Variants in TUBGCP6 observed in about 807,000 individuals in gnomAD.
The protein encoded by TUBGCP6 is tubulin gamma complex component 6.
TUBGCP6 carries 161 observed loss-of-function variants against 175.8 expected under a neutral mutation model. The observed-to-expected ratio is 0.92, with a 90% CI of 0.81 to 1.04. The LOEUF is 1.04. TUBGCP6 is among the 50% of genes least tolerant of loss of function. TUBGCP6 has a pLI of 0.00. For synonymous variants in TUBGCP6, 1,173 were observed against 1,030.5 expected, an observed-to-expected ratio of 1.14 and a Z score of -2.65; for missense variants, 2,572 against 2,433.0, an observed-to-expected ratio of 1.06 and a Z score of -1.20.
intron 3 of TUBGCP6, among the ~76,000 whole-genome samples, chr22:50,229,878 A>G (rs912409953): frequency 1.3e-5 from 2 of 152,240 alleles, no homozygotes; most frequent in Non-Finnish European, 2.9e-5. Context: ...GGCAGAAGCT[A>G]TAAAACATGA....
In TUBGCP6 at chr22:50,237,453, C is replaced by T. The variant is rs147380283; in HGVS notation, c.905+2751G>A. 7.4e-3 allele frequency among the ~76,000 whole-genome samples: 1,122 copies of T among 152,322 alleles called. 7 individuals carry two copies. Among genetic ancestry groups the T allele is most frequent in the Non-Finnish European group, 0.011 (770 of 68,028 alleles). ...CTGACCCGACTGCAGTGTCAGGGGC[C>T]GTGGGATCAGGGAGTAGAGGGGCCC... is the stretch of plus-strand genomic sequence containing the variant. On this transcript the variant is annotated intron_variant, in intron 2 of 24. Transcript: ENST00000248846.
Position 50,221,056 on chromosome 22 carries a change from C to T in TUBGCP6, c.3303G>A (p.Arg1101=), listed in dbSNP as rs1322017542. ...CATGTCCATGGATGTTCCACCGTGGCCGAGTGGGAGCCACATCTGACACAG... is the reference window on the plus strand; with the variant it reads ...CATGTCCATGGATGTTCCACCGTGGTCGAGTGGGAGCCACATCTGACACAG... ...GESVSDVAPT[R]PRWNIHGHVS... is the part of the protein sequence containing the mutation. The change falls in exon 16 of 25, where the codon CGG becomes CGA. Residue 1101 remains arginine, a synonymous_variant. Coordinates refer to ENST00000248846, the MANE Select transcript of TUBGCP6 (RefSeq NM_020461.4). 1 of 1,612,784 alleles carries T rather than the reference C, an allele frequency of 6.2e-7. No individual in the cohort carries two copies. The highest frequency in any genetic ancestry group is 8.5e-7 in the Non-Finnish European group (1 of 1,179,712).
chr22:50,221,559 G>T lies in TUBGCP6; in HGVS notation c.2800C>A (p.Pro934Thr), dbSNP rs143587106. The change falls in exon 16 of 25, where the codon CCT becomes ACT. Residue 934 changes from proline to threonine, a missense_variant. Pro to Thr is a conservative substitution (Grantham distance 38). Coordinates refer to ENST00000248846, the MANE Select transcript of TUBGCP6 (RefSeq NM_020461.4). ...CTGGCTGCTGCGGGTGCCTCCCCAG[G>T]AGCTGAGGGGGGCAGGTCCAAGTTA... ...TINLDLPPSA[P>T]GEAPAAASTQ... 1.9e-6 allele frequency: 3 copies of T among 1,588,076 alleles called. No homozygotes were observed. Among genetic ancestry groups the T allele is most frequent in the Non-Finnish European group, 2.6e-6 (3 of 1,165,054 alleles).
Position 50,218,060 on chromosome 22 carries a change from G to A in TUBGCP6, c.5226C>T (p.Ser1742=), listed in dbSNP as rs1478293812. ...GCTGGCTGCGGAACTTGAGCACGAG[G>A]CTGAAGATGCTGTGGATGACGTTCA... is the stretch of plus-strand genomic sequence containing the variant. ...PVMNVIHSIF[S]LVLKFRSQLI... is the part of the protein sequence containing the mutation. Residue 1742 remains serine, a synonymous_variant, in exon 24 of 25, where the codon AGC becomes AGT. Transcript: ENST00000248846. 2 of 1,613,336 alleles carry A rather than the reference G, an allele frequency of 1.2e-6. No homozygotes were observed. The highest frequency in any genetic ancestry group is 1.1e-5 in the South Asian group (1 of 91,088).
At chr22:50,235,102 C>G (rs544815564) in intron 2 of TUBGCP6, among the ~76,000 whole-genome samples, 1 of 151,652 alleles carries the variant, frequency 6.6e-6, no homozygotes, top group Admixed American at 6.6e-5. Flanking sequence ...CATCCACAAC[C>G]CTATCCACTG....
chr22:50,234,111 C>T (rs1440840972), intron 2 of TUBGCP6, among the ~76,000 whole-genome samples: 1 of 148,894 alleles, frequency 6.7e-6, no homozygotes, highest in Admixed American at 6.7e-5. Context: ...AGCATCCACA[C>T]CCCCTGTCCA....
chr22:50,226,136 A>C lies in TUBGCP6; in HGVS notation c.1747T>G (p.Cys583Gly). 6.2e-7 allele frequency: 1 copy of C among 1,614,156 alleles called. No homozygotes were observed. Among genetic ancestry groups the C allele is most frequent in the Non-Finnish European group, 8.5e-7 (1 of 1,180,028 alleles). Residue 583 changes from cysteine (C) to glycine (G), a missense_variant, in exon 9 of 25, where the codon TGT (cysteine) becomes GGT (glycine). Cys to Gly is a radical substitution (Grantham distance 159, BLOSUM62 -3). Coordinates refer to ENST00000248846, the MANE Select transcript of TUBGCP6 (RefSeq NM_020461.4). ...ATGTGCTTCAGAAACACGGGAACAC[A>C]GTCCTCCACCTCTTTGGAGATGAGC... ...YVLISKEVEDCVPVFLKHIAH... is the reference protein window; with the variant it reads ...YVLISKEVEDGVPVFLKHIAH...
At position 50,243,713 on chromosome 22, in the gene TUBGCP6, T is replaced by C. The variant is rs754932196; in HGVS notation, c.741+6A>G. ...GAGATGAAAGAGGAAAAACTAAACA[T>C]TCTACCTTAATAGCCAGCCCAGAGA... is the stretch of plus-strand genomic sequence containing the variant. On this transcript the variant is annotated splice_donor_region_variant and intron_variant, in intron 1 of 24. Coordinates refer to ENST00000248846, the MANE Select transcript of TUBGCP6 (RefSeq NM_020461.4). 2 of 1,597,742 alleles carry C rather than the reference T, an allele frequency of 1.3e-6. No individual in the cohort carries two copies. The highest frequency in any genetic ancestry group is 1.7e-5 in the Admixed American group (1 of 58,766).
chr22:50,237,703 C>T (rs536345534), intron 2 of TUBGCP6, among the ~76,000 whole-genome samples: 61 of 152,242 alleles, frequency 4.0e-4, no homozygotes, highest in African/African-American at 1.4e-3. Flanking sequence ...TAGGAACCAC[C>T]GCCGGGCCCC....
rs1481033454 is a variant in TUBGCP6, at chr22:50,241,353, C to T, written c.742-986G>A. Among the ~76,000 whole-genome samples, 5 of 152,260 alleles carry T rather than the reference C, an allele frequency of 3.3e-5. No individual in the cohort carries two copies. In the South Asian group the frequency reaches 6.2e-4, roughly 19 times the overall value. ...CATTACCTAGCGGACCTTGGTCTAG[C>T]GGTAGCGTCAGTGCCTAGGAAAAGC... On this transcript the variant is annotated intron_variant, in intron 1 of 24. Transcript: ENST00000248846.
Position 50,219,323 on chromosome 22 carries a change from G to A in TUBGCP6, c.4449C>T (p.Leu1483=), listed in dbSNP as rs1220984891. The A allele has an allele frequency of 2.5e-6, 4 of 1,602,210 alleles. 1 individual carries two copies. The South Asian group carries it at 4.5e-5, about 18-fold the overall frequency. The change falls in exon 19 of 25, where the codon CTC becomes CTT. Residue 1483 remains leucine, a synonymous_variant. Coordinates refer to ENST00000248846, the MANE Select transcript of TUBGCP6 (RefSeq NM_020461.4). ...GCGGTGCCGTGATGGAGCGCTTCAT[G>A]AGCACGGGCAGCGTCAGCAACTCGC... is the stretch of plus-strand genomic sequence containing the variant. The part of the protein sequence containing the change: ...QLSELLTLPV[L]MKRSITAPLA...
intron 2 of TUBGCP6, among the ~76,000 whole-genome samples, chr22:50,237,742 G>A (rs750810726): frequency 1.7e-4 from 26 of 152,222 alleles, no homozygotes; most frequent in Non-Finnish European, 3.2e-4. Flanking sequence ...AGTCTCCAGC[G>A]TATTCAGAAC....
chr22:50,221,267 C>G lies in TUBGCP6; in HGVS notation c.3092G>C (p.Gly1031Ala), dbSNP rs115728769. 1,215 of 1,614,068 alleles carry G rather than the reference C, an allele frequency of 7.5e-4. 10 individuals are homozygous for G. In the African/African-American group the frequency reaches 0.014, roughly 19 times the overall value. Residue 1031 changes from glycine (G) to alanine (A), a missense_variant, in exon 16 of 25, where the codon GGG becomes GCG. Physicochemically the swap from Gly to Ala is moderately conservative, Grantham distance 60. Coordinates refer to ENST00000248846, the MANE Select transcript of TUBGCP6 (RefSeq NM_020461.4). ...PTERLFGQVS[G>A]GGLPTGDYAS... ...GTAGTCCCCTGTGGGAAGACCACCC[C>G]CTGACACCTGCCCAAAGAGCCGCTC...
rs771804706 is a variant in TUBGCP6, at chr22:50,217,805, G to A, written c.5391C>T (p.Arg1797=). 8.7e-6 allele frequency: 14 copies of A among 1,613,910 alleles called. No homozygotes were observed. Among genetic ancestry groups the A allele is most frequent in the Admixed American group, 6.7e-5 (4 of 60,000 alleles). The change falls in exon 25 of 25, where the codon CGC becomes CGT. Residue 1797 remains arginine, a synonymous_variant. Transcript: ENST00000248846. ...LFKVVTKLVN[R]GYQPHLEDFL... is the part of the protein sequence containing the mutation. ...AGTCCTCCAGGTGGGGCTGGTAGCC[G>A]CGGTTCACCAGCTTGGTCACCACTG... is the stretch of plus-strand genomic sequence containing the variant.
At chr22:50,232,977 G>C (rs904455639) in intron 3 of TUBGCP6, among the ~76,000 whole-genome samples, 3 of 152,216 alleles carry the variant, frequency 2.0e-5, no homozygotes, top group African/African-American at 7.2e-5. Flanking sequence ...GCTCTCGGCA[G>C]GCAGATGCTC....
In TUBGCP6 at chr22:50,240,289, G is replaced by C. The variant is rs2064824293; in HGVS notation, c.820C>G (p.Pro274Ala). 2.5e-6 allele frequency: 4 copies of C among 1,614,028 alleles called. No homozygotes were observed. Among genetic ancestry groups the C allele is most frequent in the Non-Finnish European group, 3.4e-6 (4 of 1,180,032 alleles). Residue 274 changes from proline (P) to alanine (A), a missense_variant, in exon 2 of 25, where the codon CCC (proline) becomes GCC (alanine). Coordinates refer to ENST00000248846, the MANE Select transcript of TUBGCP6 (RefSeq NM_020461.4). The stretch of plus-strand genomic sequence containing the variant: ...AGGTCCACGTCTGGGGTCACGCTGG[G>C]CTCAGACTGGGAATCAGGAGTCAAG... ...SNLTPDSQSE[P>A]SVTPDVDLWE...
chr22:50,221,636 G>C lies in TUBGCP6; in HGVS notation c.2723C>G (p.Pro908Arg). 6.5e-7 allele frequency: 1 copy of C among 1,530,122 alleles called. No homozygotes were observed. The highest frequency in any genetic ancestry group is 8.8e-7 in the Non-Finnish European group (1 of 1,138,630). 94.8% of individuals were successfully genotyped at this position (1,530,122 alleles called of 1,614,324 possible). Residue 908 changes from proline to arginine, a missense_variant, in exon 16 of 25, where the codon CCG (proline) becomes CGG (arginine). Transcript: ENST00000248846. ...AGGGACCATGCCAGTCTGCACGGAC[G>C]GCTCAGCCCCTGGGCCCACAGGTAG... The part of the protein sequence containing the change: ...DFLPVGPGAE[P>R]SVQTGMVPLL...
At chr22:50,223,780 CAAAAAAAA>C in intron 13 of TUBGCP6, 1 of 61,152 alleles carries the variant, frequency 1.6e-5, no homozygotes, top group South Asian at 6.0e-4. Context: ...ACTCTGTTTC[CAAAAAAAA>C]AAAAAAAAAA....
chr22:50,218,015 C>G lies in TUBGCP6; in HGVS notation c.5271G>C (p.Gly1757=). 1 of 1,612,470 alleles carries G rather than the reference C, an allele frequency of 6.2e-7. No homozygotes were observed. Among genetic ancestry groups the G allele is most frequent in the Non-Finnish European group, 8.5e-7 (1 of 1,179,544 alleles). The change falls in exon 24 of 25, where the codon GGG becomes GGC. Residue 1757 remains glycine, a synonymous_variant. Coordinates refer to ENST00000248846, the MANE Select transcript of TUBGCP6 (RefSeq NM_020461.4). ...FRSQLISQAW[G]PPGGPRGAEH... is the part of the protein sequence containing the mutation. ...CTGCACCCCGCGGGCCCCCAGGGGG[C>G]CCCCAGGCCTGGGAGATGAGCTGGC...
Sources: gnomAD v4.1 joint callset for allele counts (sites outside exome capture counted in the v4.1 genomes callset) on GRCh38, gnomAD v4.1.1 for gene constraint, MANE v1.5 for transcripts, NCBI Gene and HGNC (gene_info 2026-07-23, HGNC 2026-07-21) for gene names.